Variants in C1QB observed in about 807,000 individuals in gnomAD.
The protein encoded by C1QB is complement C1q subcomponent subunit B.
A neutral mutation model predicts 4.6 loss-of-function variants in C1QB; 2 were observed. The observed-to-expected ratio is 0.43, with a 90% CI of 0.18 to 1.36. C1QB has a LOEUF of 1.36. Among genes scored for constraint, C1QB ranks in the 40% most tolerant of loss-of-function variants. C1QB has a pLI of 0.28. For synonymous variants in C1QB, 132 were observed against 137.1 expected (o/e 0.96, Z 0.26); for missense variants, 292 against 338.0 (o/e 0.86, Z 1.07).
intron 2 of C1QB, among the ~76,000 whole-genome samples, chr1:22,660,100 T>G (rs1642598390): frequency 6.6e-6 from 1 of 152,222 alleles, no homozygotes; most frequent in Non-Finnish European, 1.5e-5. Context: ...TTTGGTTTAT[T>G]CATTCATTTA....
Position 22,659,487 on chromosome 1 carries a change from C to T in C1QB, c.25C>T (p.Pro9Ser), listed in dbSNP as rs779270876. ...GATGAAGATCCCATGGGGCAGCATCCCAGTACTGATGTTGCTCCTGCTCCT... is the reference window on the plus strand; with the variant it reads ...GATGAAGATCCCATGGGGCAGCATCTCAGTACTGATGTTGCTCCTGCTCCT... MKIPWGSI[P>S]VLMLLLLLGL... The change falls in exon 2 of 3, where the codon CCA becomes TCA. Residue 9 changes from proline (P) to serine (S), a missense_variant. Pro to Ser is a moderately conservative substitution (Grantham distance 74). Coordinates refer to ENST00000509305, the MANE Select transcript of C1QB (RefSeq NM_001378156.1). 4.8e-5 allele frequency: 77 copies of T among 1,613,870 alleles called. No individual in the cohort carries two copies. Among genetic ancestry groups the T allele is most frequent in the African/African-American group, 1.3e-5 (1 of 74,834 alleles).
At chr1:22,657,788 G>T (rs922629842) in intron 1 of C1QB, among the ~76,000 whole-genome samples, 1 of 152,222 alleles carries the variant, frequency 6.6e-6, no homozygotes, top group Non-Finnish European at 1.5e-5. Flanking sequence ...GGTTAAACTA[G>T]ATGAACTTAA....
In C1QB at chr1:22,660,943, C is replaced by G; in HGVS notation, c.313C>G (p.Pro105Ala). ...PKGGPGAPGA[P>A]GPKGESGDYK... ...AGGTGGCCCAGGGGCCCCTGGAGCC[C>G]CAGGCCCCAAAGGTGAATCGGGAGA... The change falls in exon 3 of 3, where the codon CCA becomes GCA. Residue 105 changes from proline to alanine, a missense_variant. Transcript: ENST00000509305. 1 of 1,613,714 alleles carries G rather than the reference C, an allele frequency of 6.2e-7. No individual in the cohort carries two copies. Among genetic ancestry groups the G allele is most frequent in the Non-Finnish European group, 8.5e-7 (1 of 1,179,848 alleles).
At chr1:22,660,197 T>TC (rs1471094544) in intron 2 of C1QB, among the ~76,000 whole-genome samples, 1 of 152,158 alleles carries the variant, frequency 6.6e-6, no homozygotes, top group Non-Finnish European at 1.5e-5. Flanking sequence ...AATATCTTCA[T>TC]CCCCATTTCA....
In C1QB at chr1:22,659,425, T is replaced by C; in HGVS notation, c.-23-15T>C. ...ATCACCACGGTGGTAACCTCTCACA[T>C]TGTCTTCTCCACAGGAGGCGTCTGA... On this transcript the variant is annotated splice_polypyrimidine_tract_variant and intron_variant, in intron 1 of 2. Transcript: ENST00000509305. 1 of 1,612,614 alleles carries C rather than the reference T, an allele frequency of 6.2e-7. No homozygotes were observed. Among genetic ancestry groups the C allele is most frequent in the Non-Finnish European group, 8.5e-7 (1 of 1,179,124 alleles).
rs375854491 is a variant in C1QB, at chr1:22,659,430, T to C, written c.-23-10T>C. 4.4e-5 allele frequency: 71 copies of C among 1,613,508 alleles called. No homozygotes were observed. The highest frequency in any genetic ancestry group is 1.3e-4 in the Admixed American group (8 of 59,994). On this transcript the variant is annotated splice_polypyrimidine_tract_variant and intron_variant, in intron 1 of 2. Transcript: ENST00000509305. ...CACGGTGGTAACCTCTCACATTGTC[T>C]TCTCCACAGGAGGCGTCTGACACAG...
In C1QB at chr1:22,661,549, T is replaced by C; in HGVS notation, c.*163T>C. The C allele has an allele frequency of 1.3e-6, 1 of 787,102 alleles. No individual in the cohort carries two copies. The highest frequency in any genetic ancestry group is 2.1e-6 in the Non-Finnish European group (1 of 480,890). The allele number at this position is 787,102 out of a possible 1,614,324, so 48.8% of individuals were successfully genotyped here. On this transcript the variant is annotated 3_prime_UTR_variant, in exon 3 of 3. Transcript: ENST00000509305. ...CAAGGCCAAGGGACAGTGGTCTAAT[T>C]CAACTCTGTGTCCCAGCACCTGGCA... is the stretch of plus-strand genomic sequence containing the variant.
intron 1 of C1QB, among the ~76,000 whole-genome samples, chr1:22,658,368 A>G (rs1187115525): frequency 6.6e-6 from 1 of 152,016 alleles, no homozygotes; most frequent in Non-Finnish European, 1.5e-5. Flanking sequence ...CAGCCTAATC[A>G]TCACTTCCAA....
At chr1:22,660,707 G>A in intron 2 of C1QB, 105 bp from the exon 3 acceptor site, 1 of 1,153,998 alleles carries the variant, frequency 8.7e-7, no homozygotes, top group Non-Finnish European at 1.3e-6. Context: ...TTTTACAGAT[G>A]GGAGACTGAG....
At position 22,660,792 on chromosome 1, in the gene C1QB, T is replaced by C; in HGVS notation, c.182-20T>C. On this transcript the variant is annotated intron_variant, in intron 2 of 2. Transcript: ENST00000509305. ...CTTTTGGTCTCAGTGATCTCACTTCTTTGGTCTCTGCTTTTCCAGGGCTTC... is the reference window on the plus strand; with the variant it reads ...CTTTTGGTCTCAGTGATCTCACTTCCTTGGTCTCTGCTTTTCCAGGGCTTC... 1 of 1,613,500 alleles carries C rather than the reference T, an allele frequency of 6.2e-7. No homozygotes were observed. Among genetic ancestry groups the C allele is most frequent in the Non-Finnish European group, 8.5e-7 (1 of 1,179,580 alleles).
intron 1 of C1QB, among the ~76,000 whole-genome samples, chr1:22,657,014 G>A (rs1034110147): frequency 2.6e-5 from 4 of 152,286 alleles, no homozygotes; most frequent in Admixed American, 2.0e-4. Context: ...TGCTGCCCCC[G>A]AGGAACCTCC....
intron 1 of C1QB, among the ~76,000 whole-genome samples, chr1:22,656,839 C>T (rs759810673): frequency 2.2e-4 from 34 of 152,176 alleles, no homozygotes; most frequent in Non-Finnish European, 4.9e-4. Context: ...GGGGTTCTCA[C>T]AACCCCCTGC....
intron 2 of C1QB, 74 bp from the exon 3 acceptor site, chr1:22,660,738 C>T: frequency 6.7e-7 from 1 of 1,484,386 alleles, no homozygotes; most frequent in Non-Finnish European, 9.4e-7. Context: ...AGGCAGGGCC[C>T]TGCCCAAGGT....
At chr1:22,660,709 G>T (rs2148305880) in intron 2 of C1QB, 103 bp from the exon 3 acceptor site, 1 of 1,176,942 alleles carries the variant, frequency 8.5e-7, no homozygotes, top group African/African-American at 1.5e-5. Context: ...TTACAGATGG[G>T]AGACTGAGGC....
At chr1:22,656,389 A>T (rs1182038185) in intron 1 of C1QB, among the ~76,000 whole-genome samples, 1 of 152,194 alleles carries the variant, frequency 6.6e-6, no homozygotes, top group Non-Finnish European at 1.5e-5. Flanking sequence ...TGGATAAACA[A>T]ATAGCCAAGC....
chr1:22,656,163 G>A (rs995526935), intron 1 of C1QB, among the ~76,000 whole-genome samples: 1 of 152,176 alleles, frequency 6.6e-6, no homozygotes, highest in Non-Finnish European at 1.5e-5. Context: ...CCACACGGGG[G>A]ACCTTGGCAG....
intron 1 of C1QB, among the ~76,000 whole-genome samples, chr1:22,657,236 C>G (rs1423289755): frequency 6.6e-6 from 1 of 152,120 alleles, no homozygotes; most frequent in East Asian, 1.9e-4. Context: ...CATCCTGAAG[C>G]TACCTAGGGG....
intron 1 of C1QB, among the ~76,000 whole-genome samples, chr1:22,657,819 C>A (rs1570095810): frequency 6.6e-6 from 1 of 152,330 alleles, no homozygotes; most frequent in South Asian, 2.1e-4. Flanking sequence ...GTCCTGAGAG[C>A]TAATGGCATG....
intron 1 of C1QB, among the ~76,000 whole-genome samples, chr1:22,658,337 CT>C: frequency 6.6e-6 from 1 of 152,278 alleles, no homozygotes; most frequent in African/African-American, 2.4e-5. Context: ...TTGCCCCCAC[CT>C]TTTCTGGACC....
Sources: allele counts gnomAD v4.1 joint callset (sites outside exome capture counted in the v4.1 genomes callset), GRCh38; gene constraint gnomAD v4.1.1; transcripts MANE v1.5; gene names NCBI Gene and HGNC (gene_info 2026-07-23, HGNC 2026-07-21).